The following DMRT1 variants were observed in gnomAD, a reference collection of about 807,000 sequenced individuals.
DMRT1 encodes the protein doublesex and mab-3 related transcription factor 1, also known as doublesex- and mab-3-related transcription factor 1.
In DMRT1, 7 loss-of-function variants were observed where a neutral mutation model predicts 32.3. The observed-to-expected ratio is 0.22, with a 90% CI of 0.12 to 0.41. The LOEUF is 0.41. Ranked by LOEUF, DMRT1 falls within the 10% of genes least tolerant of loss-of-function variation. DMRT1 has a pLI of 1.00. For missense variants in DMRT1, 625 were observed against 500.5 expected (o/e 1.25, Z -2.37); for synonymous variants, 278 against 206.1 (o/e 1.35, Z -2.99).
At chr9:953,744 T>G (rs1322842550) in intron 4 of DMRT1, among the ~76,000 whole-genome samples, 1 of 152,242 alleles carries the variant, frequency 6.6e-6, no homozygotes, top group Non-Finnish European at 1.5e-5. Flanking sequence ...TTACCTAGTG[T>G]GCTGATCACG....
Position 894,105 on chromosome 9 carries a change from G to C in DMRT1, c.732G>C (p.Val244=). 6.2e-7 allele frequency: 1 copy of C among 1,614,218 alleles called. No homozygotes were observed. Among genetic ancestry groups the C allele is most frequent in the Middle Eastern group, 1.7e-4 (1 of 6,058 alleles). Reference sequence around the variant, plus strand: ...CTGCTGATTCTGCTTCTGGGGAGGTGGGAAATCCCCTCGGGGGATCCCCTG... The same window carrying C: ...CTGCTGATTCTGCTTCTGGGGAGGTCGGAAATCCCCTCGGGGGATCCCCTG... The part of the protein sequence containing the change: ...ALAADSASGE[V]GNPLGGSPVK... The change falls in exon 3 of 5, where the codon GTG becomes GTC. Residue 244 remains valine, a synonymous_variant. Coordinates refer to ENST00000382276, the MANE Select transcript of DMRT1 (RefSeq NM_021951.3).
chr9:944,677 T>C (rs1488350528), intron 4 of DMRT1, among the ~76,000 whole-genome samples: 1 of 152,216 alleles, frequency 6.6e-6, no homozygotes, highest in East Asian at 1.9e-4. Flanking sequence ...GCAACCTCTT[T>C]TGGGTAAATG....
chr9:903,207 G>A (rs541915745), intron 3 of DMRT1, among the ~76,000 whole-genome samples: 1 of 152,286 alleles, frequency 6.6e-6, no homozygotes, highest in South Asian at 2.1e-4. Flanking sequence ...TACTCCTGCA[G>A]GGAGCAAAGC....
chr9:899,306 G>C (rs1209719175), intron 3 of DMRT1, among the ~76,000 whole-genome samples: 2 of 152,036 alleles, frequency 1.3e-5, no homozygotes, highest in African/African-American at 4.8e-5. Flanking sequence ...GGAATTCTTA[G>C]AGATGAGTAG....
At position 912,365 on chromosome 9, in the gene DMRT1, T is replaced by A. The variant is rs139849309; in HGVS notation, c.823-4398T>A. On this transcript the variant is annotated intron_variant, in intron 3 of 4. Coordinates refer to ENST00000382276, the MANE Select transcript of DMRT1 (RefSeq NM_021951.3). ...CACATTCTAGTAACCTCAAATGGAG[T>A]CTGACCCTTTGTATCTTTTTCTTCT... Among the ~76,000 whole-genome samples the A allele has an allele frequency of 6.6e-5, 10 of 152,270 alleles. No individual in the cohort carries two copies. In the East Asian group the frequency reaches 1.7e-3, roughly 27 times the overall value.
intron 2 of DMRT1, among the ~76,000 whole-genome samples, chr9:875,483 C>G (rs1371055902): frequency 1.3e-5 from 2 of 152,140 alleles, no homozygotes. Context: ...TGAGAGGTAT[C>G]AAGACCTTGT....
intron 1 of DMRT1, among the ~76,000 whole-genome samples, chr9:845,972 TGTG>T (rs764149720): frequency 5.9e-5 from 9 of 152,236 alleles, no homozygotes; most frequent in Non-Finnish European, 1.0e-4. Flanking sequence ...GTACCACTCT[TGTG>T]GTGTTGGTCT....
intron 4 of DMRT1, among the ~76,000 whole-genome samples, chr9:947,255 G>A (rs915555539): frequency 3.3e-5 from 5 of 152,026 alleles, no homozygotes; most frequent in African/African-American, 1.2e-4. Context: ...TTATGAGATC[G>A]TTTTGGGATT....
chr9:895,762 A>G (rs1817330753), intron 3 of DMRT1, among the ~76,000 whole-genome samples: 1 of 146,292 alleles, frequency 6.8e-6, no homozygotes, highest in Non-Finnish European at 1.5e-5. Flanking sequence ...ACCATGCTGT[A>G]TGTTAGATTC....
At position 841,867 on chromosome 9, in the gene DMRT1, C is replaced by G. The variant is rs1838694489; in HGVS notation, c.29C>G (p.Pro10Arg). The G allele has an allele frequency of 5.0e-6, 8 of 1,612,758 alleles. No homozygotes were observed. The highest frequency in any genetic ancestry group is 1.7e-5 in the Admixed American group (1 of 59,938). Residue 10 changes from proline (P) to arginine (R), a missense_variant, in exon 1 of 5, where the codon CCC becomes CGC. Pro to Arg is a moderately radical substitution (Grantham distance 103, BLOSUM62 -2). Coordinates refer to ENST00000382276, the MANE Select transcript of DMRT1 (RefSeq NM_021951.3). Reference protein sequence around the residue: MPNDEAFSKPSTPSEAPHAP... With the variant: MPNDEAFSKRSTPSEAPHAP... ...CCCAACGACGAGGCATTCAGCAAGC[C>G]CTCTACACCGTCGGAAGCCCCTCAC...
chr9:963,666 C>T (rs1039915820), intron 4 of DMRT1, among the ~76,000 whole-genome samples: 1 of 152,176 alleles, frequency 6.6e-6, no homozygotes, highest in Non-Finnish European at 1.5e-5. Context: ...ACAAACTGAA[C>T]CTGCCAAGCT....
chr9:942,521 C>T lies in DMRT1; in HGVS notation c.968-25464C>T, dbSNP rs137893018. On this transcript the variant is annotated intron_variant, in intron 4 of 4. Transcript: ENST00000382276. ...CTCCTGAGCTCAAGTGATCTGCTTG[C>T]CTTGGCCTCCCAAGGTTTTGGGATT... is the stretch of plus-strand genomic sequence containing the variant. Among the ~76,000 whole-genome samples, 33 of 152,310 alleles carry T rather than the reference C, an allele frequency of 2.2e-4. No individual in the cohort carries two copies. In the East Asian group the frequency reaches 6.2e-3, roughly 28 times the overall value.
chr9:870,073 G>A (rs931369186), intron 2 of DMRT1, among the ~76,000 whole-genome samples: 2 of 152,124 alleles, frequency 1.3e-5, no homozygotes, highest in South Asian at 2.1e-4. Context: ...GACCTTTTGG[G>A]GGCAAATTAC....
rs1196455368 is a variant in DMRT1, at chr9:905,521, C to T, written c.823-11242C>T. On this transcript the variant is annotated intron_variant, in intron 3 of 4. Transcript: ENST00000382276. ...GTGTGTGTGTGTGTGTGTGGCACTG[C>T]AGGACATGTCAAACTAAAGTTTATG... 1.6e-4 allele frequency among the ~76,000 whole-genome samples: 14 copies of T among 89,944 alleles called. 1 individual carries two copies. The highest frequency in any genetic ancestry group is 1.3e-3 in the Admixed American group (12 of 8,890). The allele number at this position is 89,944 out of a possible 152,430, so 59.0% of individuals were successfully genotyped here. A position where few individuals can be genotyped will look rare whatever the true frequency, so the allele number is the denominator to read the frequency against.
intron 1 of DMRT1, among the ~76,000 whole-genome samples, chr9:845,328 C>G (rs1448645497): frequency 1.3e-5 from 2 of 151,932 alleles, no homozygotes; most frequent in Non-Finnish European, 1.5e-5. Flanking sequence ...TCCTCTCGGC[C>G]TCCTGAGTAC....
rs539764413 is a variant in DMRT1, at chr9:962,029, G to C, written c.968-5956G>C. Among the ~76,000 whole-genome samples, 3 of 152,248 alleles carry C rather than the reference G, an allele frequency of 2.0e-5. No homozygotes were observed. The South Asian group carries it at 6.2e-4, about 32-fold the overall frequency. ...GAGAGCAAAGAGTTAGCCAGTCTGT[G>C]GTTTTACTGCAGGATGTTGTTACTA... On this transcript the variant is annotated intron_variant, in intron 4 of 4. Coordinates refer to ENST00000382276, the MANE Select transcript of DMRT1 (RefSeq NM_021951.3).
chr9:932,066 G>A (rs991915930), intron 4 of DMRT1, among the ~76,000 whole-genome samples: 7 of 152,082 alleles, frequency 4.6e-5, no homozygotes, highest in Non-Finnish European at 8.8e-5. Flanking sequence ...TAGAGCCAGC[G>A]GTGGCTCTCA....
chr9:888,072 A>G (rs903512382), intron 2 of DMRT1, among the ~76,000 whole-genome samples: 2 of 152,228 alleles, frequency 1.3e-5, no homozygotes, highest in Admixed American at 6.5e-5. Flanking sequence ...AATGTTTTGT[A>G]TCTAACTGAA....
In DMRT1 at chr9:968,249, G is replaced by C; in HGVS notation, c.*110G>C. ...TCATACTATCTTAACTGTTGAGAAC[G>C]TATTTGGTTTATATTCCTTAGAGTT... On this transcript the variant is annotated 3_prime_UTR_variant, in exon 5 of 5. Transcript: ENST00000382276. 7.3e-7 allele frequency: 1 copy of C among 1,371,976 alleles called. No individual in the cohort carries two copies. The highest frequency in any genetic ancestry group is 1.4e-5 in the African/African-American group (1 of 69,582). 85.0% of individuals were successfully genotyped at this position (1,371,976 alleles called of 1,614,324 possible).
Sources: allele counts gnomAD v4.1 joint callset (sites outside exome capture counted in the v4.1 genomes callset), GRCh38; gene constraint gnomAD v4.1.1; transcripts MANE v1.5; gene names NCBI Gene and HGNC (gene_info 2026-07-23, HGNC 2026-07-21).